Variants in IDO2 observed in about 807,000 individuals in gnomAD.
IDO2 encodes indoleamine 2,3-dioxygenase-like 1 protein.
A neutral mutation model predicts 45.1 loss-of-function variants in IDO2; 46 were observed. The ratio of observed to expected loss-of-function variants is 1.02; its 90% CI spans 0.80 to 1.30. The LOEUF (loss-of-function observed/expected upper bound fraction) is 1.30, where lower values mean the gene tolerates loss of function less well. Ranked by LOEUF, IDO2 falls within the 50% of genes most tolerant of loss-of-function variation. The pLI is 0.00. For synonymous variants in IDO2, 218 were observed against 184.9 expected (o/e 1.18, Z -1.45); for missense variants, 544 against 491.8 (o/e 1.11, Z -1.00).
At chr8:39,979,251 C>G (rs1309117163) in intron 4 of IDO2, 65 bp downstream of exon 4, 15 of 1,543,404 alleles carry the variant, frequency 9.7e-6, no homozygotes, top group Admixed American at 2.0e-5. Flanking sequence ...GTAACGTGCT[C>G]CCTGCTTGGT....
intron 1 of IDO2, among the ~76,000 whole-genome samples, chr8:39,941,098 C>G (rs1251303657): frequency 6.7e-6 from 1 of 150,272 alleles, no homozygotes; most frequent in Non-Finnish European, 1.5e-5. Flanking sequence ...GGCAGGGGCC[C>G]GTAATCCCAG....
At chr8:39,957,607 G>A (rs972215355) in intron 2 of IDO2, among the ~76,000 whole-genome samples, 5 of 152,090 alleles carry the variant, frequency 3.3e-5, no homozygotes, top group African/African-American at 1.2e-4. Context: ...GTGAGATCCT[G>A]TCTCTAAAAA....
intron 3 of IDO2, among the ~76,000 whole-genome samples, chr8:39,975,300 T>C (rs974020166): frequency 3.3e-5 from 5 of 151,928 alleles, no homozygotes; most frequent in African/African-American, 1.2e-4. Context: ...TATGACATAC[T>C]TGATATCCTT....
At chr8:39,993,665 A>G (rs1008796359) in intron 8 of IDO2, among the ~76,000 whole-genome samples, 2 of 152,226 alleles carry the variant, frequency 1.3e-5, no homozygotes, top group Non-Finnish European at 2.9e-5. Context: ...TAAATTCTAT[A>G]TGATAATAAA....
intron 1 of IDO2, among the ~76,000 whole-genome samples, chr8:39,943,419 CA>C (rs966306774): frequency 2.0e-5 from 3 of 150,840 alleles, no homozygotes; most frequent in African/African-American, 7.3e-5. Flanking sequence ...GAATGTTCCT[CA>C]ATACCATAAA....
intron 1 of IDO2, among the ~76,000 whole-genome samples, chr8:39,936,947 TAC>T (rs1366189469): frequency 6.6e-6 from 1 of 152,216 alleles, no homozygotes; most frequent in East Asian, 1.9e-4. Flanking sequence ...GGTCAAACTT[TAC>T]AGTGAGAGGA....
At chr8:39,940,128 TAAGA>T (rs1807621618) in intron 1 of IDO2, among the ~76,000 whole-genome samples, 1 of 152,268 alleles carries the variant, frequency 6.6e-6, no homozygotes, top group African/African-American at 2.4e-5. Flanking sequence ...TTCCTCTTAG[TAAGA>T]AAGAGGCCAG....
chr8:39,944,308 G>A (rs1424184852), intron 1 of IDO2, among the ~76,000 whole-genome samples: 1 of 151,866 alleles, frequency 6.6e-6, no homozygotes, highest in East Asian at 1.9e-4. Flanking sequence ...ACTACACCCA[G>A]CCCAGGACTT....
chr8:39,989,586 C>T, intron 7 of IDO2, 135 bp from the exon 8 acceptor site: 2 of 612,736 alleles, frequency 3.3e-6, no homozygotes, highest in South Asian at 4.5e-5. Context: ...CACAGTGGAT[C>T]TAGCTTAGGA....
chr8:39,984,781 T>C (rs1295061177), intron 5 of IDO2, among the ~76,000 whole-genome samples: 4 of 152,126 alleles, frequency 2.6e-5, no homozygotes, highest in African/African-American at 9.7e-5. Context: ...ATGACATCAA[T>C]GCAGGCTTTA....
chr8:39,981,509 C>A (rs890358983), intron 4 of IDO2, among the ~76,000 whole-genome samples: 4 of 152,050 alleles, frequency 2.6e-5, no homozygotes, highest in Non-Finnish European at 5.9e-5. Flanking sequence ...TCTCCACCTC[C>A]CAGCTGTGCC....
At chr8:39,987,881 A>G (rs1299571269) in exon 7 of IDO2, 9 of 1,605,720 alleles carry the variant, frequency 5.6e-6, no homozygotes, top group Non-Finnish European at 6.8e-6. Context: ...GAACCTGGAG[A>G]CCATCATCTC....
chr8:39,967,194 C>T (rs961324039), intron 3 of IDO2, among the ~76,000 whole-genome samples: 2 of 152,020 alleles, frequency 1.3e-5, no homozygotes, highest in African/African-American at 4.8e-5. Context: ...AAGAGAAATA[C>T]AGGTGATCCA....
At chr8:39,967,400 T>A (rs1808103253) in intron 3 of IDO2, among the ~76,000 whole-genome samples, 1 of 152,184 alleles carries the variant, frequency 6.6e-6, no homozygotes. Context: ...GAAATCTGCA[T>A]ATTCATAGAA....
intron 3 of IDO2, among the ~76,000 whole-genome samples, chr8:39,966,166 C>T (rs1424241873): frequency 1.3e-5 from 2 of 151,244 alleles, no homozygotes; most frequent in African/African-American, 2.4e-5. Flanking sequence ...GTAGCTGGGA[C>T]TACAGGCACC....
At chr8:39,971,709 A>C (rs576683056) in intron 3 of IDO2, among the ~76,000 whole-genome samples, 9 of 152,256 alleles carry the variant, frequency 5.9e-5, no homozygotes, top group Non-Finnish European at 1.2e-4. Context: ...ACTTGAGCAG[A>C]GGAAGTCACT....
At chr8:39,997,427 A>T (rs1802063272) in intron 8 of IDO2, among the ~76,000 whole-genome samples, 1 of 152,166 alleles carries the variant, frequency 6.6e-6, no homozygotes, top group Non-Finnish European at 1.5e-5. Context: ...TAATCCAAGC[A>T]CTTTGGGAGG....
intron 1 of IDO2, among the ~76,000 whole-genome samples, chr8:39,939,962 A>AC: frequency 6.6e-6 from 1 of 151,900 alleles, no homozygotes; most frequent in African/African-American, 2.4e-5. Flanking sequence ...GCCATTTCCA[A>AC]AAAGCCCTAA....
At chr8:40,009,723 G>A (rs182609875) in intron 9 of IDO2, among the ~76,000 whole-genome samples, 4 of 152,224 alleles carry the variant, frequency 2.6e-5, no homozygotes, top group Admixed American at 2.6e-4. Flanking sequence ...TTTTGGACTT[G>A]TATGCTGGTG....
Sources: gnomAD v4.1 joint callset for allele counts (sites outside exome capture counted in the v4.1 genomes callset) on GRCh38, gnomAD v4.1.1 for gene constraint, MANE v1.5 for transcripts, NCBI Gene and HGNC (gene_info 2026-07-23, HGNC 2026-07-21) for gene names.